UMAD1: variants seen among roughly 807,000 people sequenced by gnomAD.
UMAD1 encodes the protein UBAP1-MVB12-associated (UMA)-domain containing protein 1.
A neutral mutation model predicts 6.1 loss-of-function variants in UMAD1; 8 were observed. The observed-to-expected ratio is 1.30, with a 90% CI of 0.76 to 2.35. UMAD1 has a LOEUF of 2.35. Among genes scored for constraint, UMAD1 ranks in the 30% most tolerant of loss-of-function variants. UMAD1 has a pLI of 0.00. For synonymous variants in UMAD1, 56 were observed against 31.4 expected, an observed-to-expected ratio of 1.78 and a Z score of -2.61; for missense variants, 130 against 78.4, an observed-to-expected ratio of 1.66 and a Z score of -2.49.
intron 2 of UMAD1, among the ~76,000 whole-genome samples, chr7:7,694,016 G>C (rs1780244052): frequency 6.6e-6 from 1 of 152,032 alleles, no homozygotes; most frequent in Admixed American, 6.6e-5. Flanking sequence ...TTGATATAAG[G>C]CAACTGAGTT....
chr7:7,802,461 A>G (rs1160123075), intron 3 of UMAD1, among the ~76,000 whole-genome samples: 1 of 152,246 alleles, frequency 6.6e-6, no homozygotes, highest in Non-Finnish European at 1.5e-5. Context: ...TATTCTGTAG[A>G]AAAACTAGGG....
intron 3 of UMAD1, among the ~76,000 whole-genome samples, chr7:7,802,352 T>G (rs1782819420): frequency 1.3e-5 from 2 of 148,676 alleles, no homozygotes; most frequent in East Asian, 2.0e-4. Context: ...CGCTCCTGCC[T>G]GGCGACAGAG....
In UMAD1 at chr7:7,767,128, CTTTT is replaced by C. The variant is rs71014711; in HGVS notation, c.83-34531_83-34528del. Among the ~76,000 whole-genome samples, 20 of 129,794 alleles carry C rather than the reference CTTTT, an allele frequency of 1.5e-4. 1 individual carries two copies. Among genetic ancestry groups the C allele is most frequent in the Non-Finnish European group, 2.8e-4 (17 of 59,764 alleles). 85.1% of individuals were successfully genotyped at this position (129,794 alleles called of 152,430 possible). On this transcript the variant is annotated intron_variant, in intron 2 of 3. Transcript: ENST00000682710. Reference sequence around the variant, plus strand: ...AGTGAGCATTTCAAGAAATTAAGCTCTTTTTTTTTTTTTTGAGACGGACTCTCAC... The same window carrying C: ...AGTGAGCATTTCAAGAAATTAAGCTCTTTTTTTTTTGAGACGGACTCTCAC...
intron 2 of UMAD1, among the ~76,000 whole-genome samples, chr7:7,790,068 G>T (rs577036297): frequency 1.6e-4 from 25 of 152,212 alleles, no homozygotes; most frequent in African/African-American, 5.8e-4. Flanking sequence ...ACTGTAAAAA[G>T]TAGGCAGATA....
chr7:7,700,625 C>T (rs965243856), intron 2 of UMAD1, among the ~76,000 whole-genome samples: 7 of 152,238 alleles, frequency 4.6e-5, no homozygotes, highest in African/African-American at 1.4e-4. Context: ...CGGTGGCTCA[C>T]GCCTGTAATC....
At chr7:7,782,100 A>C (rs1563201402) in intron 2 of UMAD1, among the ~76,000 whole-genome samples, 2 of 152,112 alleles carry the variant, frequency 1.3e-5, no homozygotes, top group African/African-American at 4.8e-5. Flanking sequence ...ACTACTCTAT[A>C]CTTTTTCCAT....
intron 1 of UMAD1, among the ~76,000 whole-genome samples, chr7:7,647,837 T>G (rs913800661): frequency 6.6e-6 from 1 of 152,204 alleles, no homozygotes; most frequent in Non-Finnish European, 1.5e-5. Context: ...ACTGCTAGGC[T>G]CAAGCAAGCC....
intron 3 of UMAD1, among the ~76,000 whole-genome samples, chr7:7,841,989 A>G (rs1463465062): frequency 1.3e-5 from 2 of 152,228 alleles, no homozygotes; most frequent in African/African-American, 4.8e-5. Context: ...AAACAAAAAT[A>G]ATGATGACAA....
At chr7:7,658,004 A>G (rs930393129) in intron 1 of UMAD1, among the ~76,000 whole-genome samples, 2 of 152,062 alleles carry the variant, frequency 1.3e-5, no homozygotes, top group Middle Eastern at 3.2e-3. Flanking sequence ...GTGGTTTATA[A>G]TTCTTCTTGA....
In UMAD1 at chr7:7,835,007, T is replaced by G. The variant is rs557483018; in HGVS notation, c.156+33264T>G. Among the ~76,000 whole-genome samples the G allele has an allele frequency of 2.6e-5, 4 of 152,138 alleles. No homozygotes were observed. The South Asian group carries it at 8.3e-4, about 32-fold the overall frequency. On this transcript the variant is annotated intron_variant, in intron 3 of 3. Coordinates refer to ENST00000682710, the MANE Select transcript of UMAD1 (RefSeq NM_001302348.2). ...AATCAGATCTCTTGAGAACTCACTA[T>G]CACAAGAACAGCATGGGGGAGACTG...
At chr7:7,696,081 C>T (rs1780309980) in intron 2 of UMAD1, among the ~76,000 whole-genome samples, 1 of 150,006 alleles carries the variant, frequency 6.7e-6, no homozygotes, top group Non-Finnish European at 1.5e-5. Flanking sequence ...TCACAGCTCA[C>T]TGCAGCCTCT....
At chr7:7,734,494 C>G (rs1463989207) in intron 2 of UMAD1, among the ~76,000 whole-genome samples, 1 of 152,028 alleles carries the variant, frequency 6.6e-6, no homozygotes, top group Admixed American at 6.6e-5. Context: ...GGTGCTTTTA[C>G]TTTCAGAGCT....
chr7:7,791,753 T>G (rs1782571632), intron 2 of UMAD1, among the ~76,000 whole-genome samples: 1 of 152,226 alleles, frequency 6.6e-6, no homozygotes, highest in African/African-American at 2.4e-5. Flanking sequence ...GATTTGTTGG[T>G]GTTCTTACTT....
chr7:7,680,548 T>C (rs1779883644), intron 2 of UMAD1, among the ~76,000 whole-genome samples: 1 of 152,170 alleles, frequency 6.6e-6, no homozygotes, highest in South Asian at 2.1e-4. Flanking sequence ...ATATAAATGT[T>C]AGGATTATTT....
intron 2 of UMAD1, among the ~76,000 whole-genome samples, 174 bp downstream of exon 2, chr7:7,673,627 G>C (rs1025637723): frequency 1.3e-5 from 2 of 152,212 alleles, no homozygotes; most frequent in Middle Eastern, 3.4e-3. Flanking sequence ...ACTTGGAATA[G>C]TGTCATCAAG....
chr7:7,643,962 C>G (rs947423433), intron 1 of UMAD1, among the ~76,000 whole-genome samples: 2 of 152,086 alleles, frequency 1.3e-5, no homozygotes, highest in African/African-American at 4.8e-5. Context: ...TGCTACTGAC[C>G]CGTGAGGATA....
intron 1 of UMAD1, among the ~76,000 whole-genome samples, chr7:7,657,903 A>G (rs534989812): frequency 4.5e-4 from 68 of 152,352 alleles, no homozygotes; most frequent in African/African-American, 1.5e-3. Context: ...TACTTTGGGC[A>G]GTATGGCCAT....
At chr7:7,772,716 T>A (rs1782124477) in intron 2 of UMAD1, among the ~76,000 whole-genome samples, 1 of 152,180 alleles carries the variant, frequency 6.6e-6, no homozygotes, top group Non-Finnish European at 1.5e-5. Context: ...CCTCGTGAAA[T>A]GGAGCAGCTG....
intron 3 of UMAD1, among the ~76,000 whole-genome samples, chr7:7,872,418 AAC>A (rs1343623197): frequency 1.3e-5 from 2 of 152,234 alleles, no homozygotes; most frequent in Non-Finnish European, 2.9e-5. Context: ...GAACAATCAG[AAC>A]ACACACAACA....
Sources: gnomAD v4.1 joint callset for allele counts (sites outside exome capture counted in the v4.1 genomes callset) on GRCh38, gnomAD v4.1.1 for gene constraint, MANE v1.5 for transcripts, NCBI Gene and HGNC (gene_info 2026-07-23, HGNC 2026-07-21) for gene names.